The following ESRP1 variants were observed in gnomAD, a reference collection of about 807,000 sequenced individuals.
ESRP1 encodes RNA-binding motif protein 35A.
A neutral mutation model predicts 81.7 loss-of-function variants in ESRP1; 33 were observed. The observed-to-expected ratio is 0.40, with a 90% confidence interval of 0.31 to 0.54. ESRP1 has a LOEUF of 0.54. Ranked by LOEUF, ESRP1 falls within the 20% of genes least tolerant of loss-of-function variation. ESRP1 has a pLI of 0.41. For synonymous variants in ESRP1, 320 were observed against 303.3 expected, an observed-to-expected ratio of 1.06 and a Z score of -0.57; for missense variants, 672 against 833.1, an observed-to-expected ratio of 0.81 and a Z score of 2.38.
chr8:94,645,118 T>C (rs1817780085), intron 3 of ESRP1, among the ~76,000 whole-genome samples: 1 of 152,154 alleles, frequency 6.6e-6, no homozygotes, highest in Non-Finnish European at 1.5e-5. Context: ...TTGTAGGTAA[T>C]AGGGAGGTTT....
chr8:94,687,299 A>G (rs186954894), intron 13 of ESRP1, among the ~76,000 whole-genome samples: 1 of 152,322 alleles, frequency 6.6e-6, no homozygotes, highest in African/African-American at 2.4e-5. Flanking sequence ...AATCCATTGT[A>G]GAGCCATACC....
At chr8:94,698,696 C>T (rs1168604629) in intron 15 of ESRP1, among the ~76,000 whole-genome samples, 1 of 152,174 alleles carries the variant, frequency 6.6e-6, no homozygotes, top group South Asian at 2.1e-4. Flanking sequence ...AGCTGGCATG[C>T]TGGCATGTCA....
At chr8:94,644,850 C>T (rs1236469992) in intron 3 of ESRP1, among the ~76,000 whole-genome samples, 1 of 152,140 alleles carries the variant, frequency 6.6e-6, no homozygotes, top group Non-Finnish European at 1.5e-5. Flanking sequence ...AATAATCCTG[C>T]CACTCAATAT....
intron 4 of ESRP1, among the ~76,000 whole-genome samples, chr8:94,657,401 C>T (rs1252488848): frequency 2.0e-5 from 3 of 151,710 alleles, no homozygotes; most frequent in Non-Finnish European, 4.4e-5. Context: ...TTTTCTCATT[C>T]CTCTCTGTTA....
rs747400496 is a variant in ESRP1 at position 94,692,724 on chromosome 8, A to G, written c.1868A>G (p.Asn623Ser). 1 of 1,613,878 alleles carries G rather than the reference A, an allele frequency of 6.2e-7. No homozygotes were observed. Among genetic ancestry groups the G allele is most frequent in the South Asian group, 1.1e-5 (1 of 91,046 alleles). ...NSLGYFPTAA[N>S]LSGVPPQPGT... The stretch of plus-strand genomic sequence containing the variant: ...CTTGGCTACTTCCCTACAGCTGCTA[A>G]TCTTAGCGGTGTCCCTCCACAGCCT... The change falls in exon 14 of 16, where the codon AAT becomes AGT. Residue 623 changes from asparagine (N) to serine (S), a missense_variant. Coordinates refer to ENST00000433389, the MANE Select transcript of ESRP1 (RefSeq NM_017697.4).
rs1817839254 is a variant in ESRP1, at chr8:94,646,151, A to G, written c.376-17A>G. ...CAAATTCACCTAGTTAACATTATCT[A>G]CCTTGTCCTTCCTCAGAATGTACTA... On this transcript the variant is annotated splice_polypyrimidine_tract_variant and intron_variant, in intron 3 of 15. Transcript: ENST00000433389. The G allele has an allele frequency of 6.8e-7, 1 of 1,471,010 alleles. No individual in the cohort carries two copies. The highest frequency in any genetic ancestry group is 9.5e-7 in the Non-Finnish European group (1 of 1,056,820). 91.1% of individuals were successfully genotyped at this position (1,471,010 alleles called of 1,614,324 possible).
rs534620248 is a variant in ESRP1, at chr8:94,687,350, G to A, written c.1821-5327G>A. ...ATTCATCAGTTGATGGCTATTTAGA[G>A]TTTTTACACTTTTTGGCTATTAAGA... is the stretch of plus-strand genomic sequence containing the variant. On this transcript the variant is annotated intron_variant, in intron 13 of 15. Transcript: ENST00000433389. Among the ~76,000 whole-genome samples the A allele has an allele frequency of 3.3e-5, 5 of 152,224 alleles. No homozygotes were observed. In the South Asian group the frequency reaches 1.0e-3, roughly 32 times the overall value.
chr8:94,643,019 A>G (rs902086095), intron 2 of ESRP1, among the ~76,000 whole-genome samples: 1 of 152,234 alleles, frequency 6.6e-6, no homozygotes, highest in African/African-American at 2.4e-5. Context: ...ATGAAATGAG[A>G]CATCTGACTT....
intron 13 of ESRP1, among the ~76,000 whole-genome samples, chr8:94,680,532 A>G (rs1328133030): frequency 1.3e-5 from 2 of 152,008 alleles, no homozygotes; most frequent in African/African-American, 4.8e-5. Context: ...GGATCAAGCT[A>G]TTCTCCTGCT....
intron 13 of ESRP1, among the ~76,000 whole-genome samples, chr8:94,679,422 G>A (rs1165852814): frequency 1.3e-5 from 2 of 152,200 alleles, no homozygotes; most frequent in African/African-American, 4.8e-5. Flanking sequence ...AATTGCTTAT[G>A]TCATCAGAAT....
Position 94,641,249 on chromosome 8 carries a change from T to G in ESRP1, c.-70T>G. ...TCTTAGAAGAGGGTTTAGCACAGGTTTTTTCGTTCTCACTTCCACACCACC... is the reference window on the plus strand; with the variant it reads ...TCTTAGAAGAGGGTTTAGCACAGGTGTTTTCGTTCTCACTTCCACACCACC... On this transcript the variant is annotated 5_prime_UTR_variant, in exon 1 of 16. Coordinates refer to ENST00000433389, the MANE Select transcript of ESRP1 (RefSeq NM_017697.4). 2 of 1,480,252 alleles carry G rather than the reference T, an allele frequency of 1.4e-6. No individual in the cohort carries two copies. Among genetic ancestry groups the G allele is most frequent in the Non-Finnish European group, 1.8e-6 (2 of 1,083,376 alleles). 91.7% of individuals were successfully genotyped at this position (1,480,252 alleles called of 1,614,324 possible).
rs753428619 is a variant in ESRP1, at chr8:94,641,279, C to T, written c.-40C>T. The stretch of plus-strand genomic sequence containing the variant: ...CGTTCTCACTTCCACACCACCTTAC[C>T]GCCTCCCGACCCCCCCTCTCCCCCT... On this transcript the variant is annotated 5_prime_UTR_variant, in exon 1 of 16. Transcript: ENST00000433389. 5.0e-6 allele frequency: 8 copies of T among 1,589,892 alleles called. No individual in the cohort carries two copies. The highest frequency in any genetic ancestry group is 2.3e-5 in the East Asian group (1 of 44,414).
At chr8:94,681,704 C>T (rs2052718) in intron 13 of ESRP1, among the ~76,000 whole-genome samples, 46,400 of 151,398 alleles carry the variant, frequency 0.31, 8,417 homozygotes, top group East Asian at 0.56. Flanking sequence ...TTCGGGAGGC[C>T]GAGGCAGGCA....
At chr8:94,667,279 T>TA (rs1304438310) in intron 9 of ESRP1, among the ~76,000 whole-genome samples, 1 of 151,904 alleles carries the variant, frequency 6.6e-6, no homozygotes, top group Non-Finnish European at 1.5e-5. Flanking sequence ...GTTACTAGTG[T>TA]ATGAGTTTCA....
intron 15 of ESRP1, among the ~76,000 whole-genome samples, chr8:94,701,491 G>A (rs910222024): frequency 6.6e-6 from 1 of 152,150 alleles, no homozygotes; most frequent in Non-Finnish European, 1.5e-5. Context: ...AGCCTTTCTG[G>A]GAAGGAGATT....
At chr8:94,686,298 A>ATAT (rs1342025929) in intron 13 of ESRP1, among the ~76,000 whole-genome samples, 1 of 152,172 alleles carries the variant, frequency 6.6e-6, no homozygotes, top group Non-Finnish European at 1.5e-5. Flanking sequence ...ACTTTATAAT[A>ATAT]TATTAACTCA....
chr8:94,642,136 C>A, intron 2 of ESRP1, 52 bp downstream of exon 2: 1 of 1,583,894 alleles, frequency 6.3e-7, no homozygotes. Context: ...AACCCCACCG[C>A]ACCCTACGCC....
intron 14 of ESRP1, among the ~76,000 whole-genome samples, chr8:94,695,839 G>A (rs529073140): frequency 6.6e-6 from 1 of 151,812 alleles, no homozygotes; most frequent in South Asian, 2.1e-4. Flanking sequence ...GAGGCAGGTG[G>A]ATCACCTGAG....
intron 12 of ESRP1, 87 bp from the exon 13 acceptor site, chr8:94,678,116 A>C (rs889330482): frequency 7.2e-7 from 1 of 1,390,374 alleles, no homozygotes; most frequent in African/African-American, 1.4e-5. Context: ...AAATGTGTAG[A>C]TGGAACAGTG....
Sources: gnomAD v4.1 joint callset for allele counts (sites outside exome capture counted in the v4.1 genomes callset) on GRCh38, gnomAD v4.1.1 for gene constraint, MANE v1.5 for transcripts, NCBI Gene and HGNC (gene_info 2026-07-23, HGNC 2026-07-21) for gene names.